C2CD2: variants seen among roughly 807,000 people sequenced by gnomAD.
C2CD2 encodes the protein C2 calcium dependent domain containing 2.
C2CD2 carries 43 observed loss-of-function variants against 74.3 expected under a neutral mutation model. The ratio of observed to expected loss-of-function variants is 0.58; its 90% CI spans 0.45 to 0.75. C2CD2 has a LOEUF of 0.75. Ranked by LOEUF, C2CD2 falls within the 30% of genes least tolerant of loss-of-function variation. C2CD2 has a pLI of 0.00. For synonymous variants in C2CD2, 422 were observed against 390.7 expected (o/e 1.08, Z -0.94); for missense variants, 801 against 916.3 (o/e 0.87, Z 1.63).
At position 41,886,572 on chromosome 21, in the gene C2CD2, G is replaced by T. The variant is rs117299731; in HGVS notation, c.*2552C>A. On this transcript the variant is annotated 3_prime_UTR_variant, in exon 14 of 14. Transcript: ENST00000380486. ...GCCATTGGATGGAGACAACGTGTGC[G>T]TGTCTACAGGAAGCAGAGCCCTAGA... 3.3e-5 allele frequency: 5 copies of T among 152,108 alleles called. No homozygotes were observed. Among genetic ancestry groups the T allele is most frequent in the Admixed American group, 2.0e-4 (3 of 15,270 alleles). 9.4% of individuals were successfully genotyped at this position (152,108 alleles called of 1,614,324 possible).
intron 1 of C2CD2, among the ~76,000 whole-genome samples, chr21:41,947,139 T>TCTCTCTCTCTCC (rs1365076208): frequency 8.2e-6 from 1 of 122,284 alleles, no homozygotes; most frequent in Non-Finnish European, 1.7e-5. Flanking sequence ...TCTCTCTCTC[T>TCTCTCTCTCTCC]CCCTCCCTCC....
Position 41,899,397 on chromosome 21 carries a change from C to A in C2CD2, c.1561-35G>T, listed in dbSNP as rs942965198. ...GCAGTGGGGAAGATGACAAGGGATA[C>A]ATGAAAGGAAGGGAGGGTTTGAAAA... On this transcript the variant is annotated intron_variant, in intron 12 of 13. Coordinates refer to ENST00000380486, the MANE Select transcript of C2CD2 (RefSeq NM_015500.2). The surrounding 1 kb of genome is among the most constrained non-coding windows in gnomAD (Gnocchi z 4.4). The A allele has an allele frequency of 3.8e-6, 6 of 1,578,548 alleles. No individual in the cohort carries two copies. The African/African-American group carries it at 6.7e-5, about 18-fold the overall frequency.
intron 6 of C2CD2, 22 bp downstream of exon 6, chr21:41,914,576 G>A: frequency 6.2e-7 from 1 of 1,610,252 alleles, no homozygotes; most frequent in Non-Finnish European, 8.5e-7. Flanking sequence ...CTCCAGGCAG[G>A]CAGGCTCCCA....
intron 1 of C2CD2, 110 bp from the exon 2 acceptor site, chr21:41,942,355 T>G: frequency 1.2e-6 from 1 of 801,964 alleles, no homozygotes; most frequent in Admixed American, 2.5e-5. Context: ...TAACACATCT[T>G]TCTGTGAACT....
chr21:41,922,742 TG>T (rs890928054), intron 2 of C2CD2, among the ~76,000 whole-genome samples: 1 of 152,228 alleles, frequency 6.6e-6, no homozygotes, highest in Admixed American at 6.5e-5. Context: ...CCCAAAGTGC[TG>T]GGATTACAGG....
Position 41,906,609 on chromosome 21 carries a change from C to T in C2CD2, c.1318+383G>A, listed in dbSNP as rs2064965087. Among the ~76,000 whole-genome samples, 3 of 152,180 alleles carry T rather than the reference C, an allele frequency of 2.0e-5. No homozygotes were observed. The South Asian group carries it at 6.2e-4, about 32-fold the overall frequency. ...CAGACTCCTGACCTCAGGTGATCTG[C>T]CCGCCTCGGCTTCCCAAAGTGCTGG... On this transcript the variant is annotated intron_variant, in intron 10 of 13. Coordinates refer to ENST00000380486, the MANE Select transcript of C2CD2 (RefSeq NM_015500.2).
At position 41,892,363 on chromosome 21, in the gene C2CD2, C is replaced by G. The variant is rs1223911004; in HGVS notation, c.1871-3019G>C. 1.3e-5 allele frequency among the ~76,000 whole-genome samples: 2 copies of G among 152,170 alleles called. No individual in the cohort carries two copies. Among genetic ancestry groups the G allele is most frequent in the African/African-American group, 4.8e-5 (2 of 41,438 alleles). ...AGCACCAGCAGCTCAGACTTCCAGC[C>G]TCCAGAACAGGGAAAGAATTGGCTC... On this transcript the variant is annotated intron_variant, in intron 13 of 13. Transcript: ENST00000380486. The surrounding 1 kb of genome is among the most constrained non-coding windows in gnomAD (Gnocchi z 4.6).
At chr21:41,911,108 CTAAT>C (rs532196650) in intron 7 of C2CD2, among the ~76,000 whole-genome samples, 137 of 152,140 alleles carry the variant, frequency 9.0e-4, no homozygotes, top group African/African-American at 3.2e-3. Flanking sequence ...AAATTTTGCT[CTAAT>C]TAAGTTTTTA....
chr21:41,912,082 T>C, intron 7 of C2CD2: 1 of 412,700 alleles, frequency 2.4e-6, no homozygotes, highest in Non-Finnish European at 4.3e-6. Flanking sequence ...TGTGTGTCTG[T>C]AAGAGACCCC....
At chr21:41,946,976 G>A (rs2065402726) in intron 1 of C2CD2, among the ~76,000 whole-genome samples, 1 of 152,164 alleles carries the variant, frequency 6.6e-6, no homozygotes, top group African/African-American at 2.4e-5. Context: ...CAACGCCACA[G>A]GTACCCTTAA....
Position 41,889,242 on chromosome 21 carries a change from T to C in C2CD2, c.1973A>G (p.Gln658Arg). The C allele has an allele frequency of 6.2e-7, 1 of 1,613,992 alleles. No homozygotes were observed. The highest frequency in any genetic ancestry group is 8.5e-7 in the Non-Finnish European group (1 of 1,179,976). ...QSHNDLVFLE[Q>R]PEGSRRKGIT... Reference sequence around the variant, plus strand: ...GCCTTTCCTCCGGGAACCCTCTGGCTGCTCCAGGAACACAAGGTCATTGTG... The same window carrying C: ...GCCTTTCCTCCGGGAACCCTCTGGCCGCTCCAGGAACACAAGGTCATTGTG... The change falls in exon 14 of 14, where the codon CAG becomes CGG. Residue 658 changes from glutamine (Q) to arginine (R), a missense_variant. Physicochemically the swap from Gln to Arg is conservative, Grantham distance 43. Transcript: ENST00000380486.
chr21:41,949,926 G>A (rs1002059111), intron 1 of C2CD2, among the ~76,000 whole-genome samples: 2 of 152,092 alleles, frequency 1.3e-5, no homozygotes, highest in African/African-American at 4.8e-5. Flanking sequence ...CTCATAGGTG[G>A]GAGTTGAACA....
Position 41,952,185 on chromosome 21 carries a change from C to A in C2CD2, c.279+1185G>T, listed in dbSNP as rs561379043. On this transcript the variant is annotated intron_variant, in intron 1 of 13. Coordinates refer to ENST00000380486, the MANE Select transcript of C2CD2 (RefSeq NM_015500.2). ...ACCAGGACAAAAGTCAGTCAACTGA[C>A]CCTGAAGCCTTTTTCCTCCAAAAAG... Among the ~76,000 whole-genome samples the A allele has an allele frequency of 3.3e-5, 5 of 152,314 alleles. No homozygotes were observed. In the East Asian group the frequency reaches 9.6e-4, roughly 29 times the overall value.
intron 1 of C2CD2, among the ~76,000 whole-genome samples, chr21:41,949,085 G>A (rs943170093): frequency 1.1e-4 from 17 of 151,836 alleles, no homozygotes; most frequent in African/African-American, 3.6e-4. Flanking sequence ...CACAGGCCTC[G>A]CTTCGGGACA....
intron 1 of C2CD2, among the ~76,000 whole-genome samples, chr21:41,951,440 G>C (rs2065449849): frequency 7.2e-6 from 1 of 139,510 alleles, no homozygotes; most frequent in Admixed American, 8.2e-5. Context: ...AAATGCCAGA[G>C]ATGGCCCTGG....
At chr21:41,919,197 T>C (rs1011053179) in intron 3 of C2CD2, among the ~76,000 whole-genome samples, 1 of 152,220 alleles carries the variant, frequency 6.6e-6, no homozygotes, top group Non-Finnish European at 1.5e-5. Context: ...AATGTGTGCA[T>C]GTGCATGTGT....
intron 1 of C2CD2, among the ~76,000 whole-genome samples, chr21:41,946,530 C>G (rs537199459): frequency 4.6e-4 from 70 of 152,298 alleles, no homozygotes; most frequent in South Asian, 2.3e-3. Flanking sequence ...TCACCTTCCA[C>G]CAGGATTGTA....
rs1344301394 is a variant in C2CD2 at position 41,889,292 on chromosome 21, C to G, written c.1923G>C (p.Gln641His). The G allele has an allele frequency of 6.2e-7, 1 of 1,614,098 alleles. No homozygotes were observed. Among genetic ancestry groups the G allele is most frequent in the South Asian group, 1.1e-5 (1 of 91,074 alleles). Reference protein sequence around the residue: ...AKLFFRRRHQQKDPGMSQSHN... With the variant: ...AKLFFRRRHQHKDPGMSQSHN... ...GTGACTGACTCATGCCTGGGTCTTT[C>G]TGTTGATGCCGCCGGCGGAAGAACA... Residue 641 changes from glutamine (Q) to histidine (H), a missense_variant, in exon 14 of 14, where the codon CAG becomes CAC. Gln to His is a conservative substitution (Grantham distance 24). Coordinates refer to ENST00000380486, the MANE Select transcript of C2CD2 (RefSeq NM_015500.2).
At chr21:41,907,419 G>A (rs1263918704) in intron 9 of C2CD2, among the ~76,000 whole-genome samples, 1 of 152,204 alleles carries the variant, frequency 6.6e-6, no homozygotes, top group Non-Finnish European at 1.5e-5. Flanking sequence ...GGCCTTTTTG[G>A]GGTAGGTCCA....
Sources: gnomAD v4.1 joint callset for allele counts (sites outside exome capture counted in the v4.1 genomes callset) on GRCh38, gnomAD v4.1.1 for gene constraint, Gnocchi (gnomAD v3.1) non-coding constraint, MANE v1.5 for transcripts, NCBI Gene and HGNC (gene_info 2026-07-23, HGNC 2026-07-21) for gene names.